Variants in MAGI2 observed in about 807,000 individuals in gnomAD.
MAGI2 encodes membrane associated guanylate kinase, WW and PDZ domain containing 2.
A neutral mutation model predicts 133.3 loss-of-function variants in MAGI2; 35 were observed. That is an observed-to-expected ratio of 0.26 (90% CI 0.20 to 0.35). The LOEUF is 0.35. Among genes scored for constraint, MAGI2 ranks in the 10% least tolerant of loss-of-function variants. The probability of loss-of-function intolerance (pLI) is 1.00; values close to 1 mark genes in which losing one functional copy is unlikely to be tolerated. For missense variants in MAGI2, 1,636 were observed against 1,863.4 expected (o/e 0.88, Z 2.25); for synonymous variants, 729 against 710.6 (o/e 1.03, Z -0.41).
chr7:78,552,197 T>C (rs1192071509), intron 3 of MAGI2, among the ~76,000 whole-genome samples: 2 of 148,602 alleles, frequency 1.3e-5, no homozygotes, highest in African/African-American at 5.0e-5. Context: ...TTTTTTTTTT[T>C]TTTGAGACAG....
intron 2 of MAGI2, among the ~76,000 whole-genome samples, chr7:78,926,009 T>G (rs576298956): frequency 1.3e-5 from 2 of 152,128 alleles, no homozygotes; most frequent in East Asian, 3.9e-4. Context: ...AATACTGTTC[T>G]CATACTTTTC....
chr7:78,588,238 T>C (rs1803624858), intron 3 of MAGI2, among the ~76,000 whole-genome samples: 1 of 152,228 alleles, frequency 6.6e-6, no homozygotes, highest in African/African-American at 2.4e-5. Flanking sequence ...GAAGATTTCA[T>C]CTCAATTATC....
At position 79,171,770 on chromosome 7, in the gene MAGI2, A is replaced by ATATATAT; in HGVS notation, c.302-164565_302-164564insATATATA. On this transcript the variant is annotated intron_variant, in intron 1 of 21. Transcript: ENST00000354212. ...TATATATATATATATATATATATAT[A>ATATATAT]TTTTTTTTTTTTTTTTCTTTTAAAG... Among the ~76,000 whole-genome samples, 11 of 31,224 alleles carry ATATATAT rather than the reference A, an allele frequency of 3.5e-4. 2 individuals are homozygous for ATATATAT. Among genetic ancestry groups the ATATATAT allele is most frequent in the Admixed American group, 8.0e-4 (2 of 2,494 alleles). The allele number at this position is 31,224 out of a possible 152,430, so 20.5% of individuals were successfully genotyped here. A position where few individuals can be genotyped will look rare whatever the true frequency, so the allele number is the denominator to read the frequency against.
intron 9 of MAGI2, among the ~76,000 whole-genome samples, chr7:78,284,650 T>TGA (rs1795969280): frequency 6.6e-6 from 1 of 152,046 alleles, no homozygotes; most frequent in African/African-American, 2.4e-5. Flanking sequence ...AGCTGTAAGG[T>TGA]AGTCACCAGC....
At chr7:78,719,929 A>G (rs1820101133) in intron 2 of MAGI2, among the ~76,000 whole-genome samples, 1 of 152,138 alleles carries the variant, frequency 6.6e-6, no homozygotes, top group South Asian at 2.1e-4. Flanking sequence ...CACTTTATAT[A>G]ATTTATCATC....
intron 2 of MAGI2, among the ~76,000 whole-genome samples, chr7:78,999,195 C>T (rs189559405): frequency 6.6e-6 from 1 of 151,800 alleles, no homozygotes; most frequent in Non-Finnish European, 1.5e-5. Context: ...AGGGAAAAAA[C>T]AAAGGAAAGA....
chr7:78,233,045 T>G (rs1218213088), intron 10 of MAGI2, among the ~76,000 whole-genome samples: 1 of 152,144 alleles, frequency 6.6e-6, no homozygotes, highest in East Asian at 1.9e-4. Context: ...CTAAAGAGAC[T>G]GGTGTGGACT....
intron 20 of MAGI2, among the ~76,000 whole-genome samples, chr7:78,119,448 C>A (rs1212008221): frequency 6.6e-6 from 1 of 150,446 alleles, no homozygotes; most frequent in East Asian, 2.0e-4. Flanking sequence ...GCAGTCCCAG[C>A]CACTTGGGAG....
At chr7:79,237,448 G>A (rs1395587789) in intron 1 of MAGI2, among the ~76,000 whole-genome samples, 7 of 152,126 alleles carry the variant, frequency 4.6e-5, no homozygotes, top group Admixed American at 2.6e-4. Context: ...AGCCAACGTC[G>A]CGCCACTGAA....
chr7:78,959,557 T>C (rs1383720915), intron 2 of MAGI2, among the ~76,000 whole-genome samples: 1 of 152,158 alleles, frequency 6.6e-6, no homozygotes, highest in Non-Finnish European at 1.5e-5. Flanking sequence ...ACAGGCTACG[T>C]CATTGAAGCA....
At chr7:78,472,570 C>T (rs1791328030) in intron 6 of MAGI2, among the ~76,000 whole-genome samples, 1 of 152,006 alleles carries the variant, frequency 6.6e-6, no homozygotes, top group Admixed American at 6.6e-5. Context: ...CACTTTTTAC[C>T]ATTCTTTAGG....
At chr7:78,967,151 A>C (rs545592237) in intron 2 of MAGI2, among the ~76,000 whole-genome samples, 1 of 151,924 alleles carries the variant, frequency 6.6e-6, no homozygotes, top group Non-Finnish European at 1.5e-5. Context: ...CATGTTGCCC[A>C]GGCTGGTCTC....
chr7:78,561,911 G>C (rs1215500831), intron 3 of MAGI2, among the ~76,000 whole-genome samples: 2 of 152,160 alleles, frequency 1.3e-5, no homozygotes, highest in African/African-American at 4.8e-5. Context: ...ATTTGGGGCA[G>C]CTGATAGAAA....
intron 1 of MAGI2, among the ~76,000 whole-genome samples, chr7:79,248,070 A>G (rs1470383803): frequency 3.3e-5 from 5 of 152,172 alleles, no homozygotes; most frequent in South Asian, 2.1e-4. Flanking sequence ...GACACAGAGT[A>G]GCTGAGTGGA....
intron 6 of MAGI2, among the ~76,000 whole-genome samples, chr7:78,396,980 T>A (rs1796404501): frequency 6.6e-6 from 1 of 152,130 alleles, no homozygotes; most frequent in African/African-American, 2.4e-5. Context: ...ACAATTAATT[T>A]CAATGTGAGC....
At chr7:79,291,168 A>G (rs1395728918) in intron 1 of MAGI2, among the ~76,000 whole-genome samples, 3 of 152,090 alleles carry the variant, frequency 2.0e-5, no homozygotes, top group Non-Finnish European at 4.4e-5. Context: ...TTGAATCAAC[A>G]ATATGTGGTC....
intron 1 of MAGI2, among the ~76,000 whole-genome samples, chr7:79,012,598 T>G (rs1808274720): frequency 6.6e-6 from 1 of 152,130 alleles, no homozygotes; most frequent in African/African-American, 2.4e-5. Flanking sequence ...AAACGTATGC[T>G]AAATAAATAA....
At chr7:78,118,173 G>A (rs1447626355) in intron 20 of MAGI2, among the ~76,000 whole-genome samples, 4 of 152,126 alleles carry the variant, frequency 2.6e-5, no homozygotes, top group Admixed American at 6.5e-5. Context: ...TCGAGACACA[G>A]ACCAAAACAC....
At chr7:79,057,643 C>T (rs1032159730) in intron 1 of MAGI2, among the ~76,000 whole-genome samples, 21 of 152,220 alleles carry the variant, frequency 1.4e-4, no homozygotes, top group South Asian at 8.3e-4. Flanking sequence ...ATTATCTTAT[C>T]GGTCTTGAGG....
Sources: gnomAD v4.1 joint callset for allele counts (sites outside exome capture counted in the v4.1 genomes callset) on GRCh38, gnomAD v4.1.1 for gene constraint, MANE v1.5 for transcripts, NCBI Gene and HGNC (gene_info 2026-07-23, HGNC 2026-07-21) for gene names.